Variants in PLAT observed in about 807,000 individuals in gnomAD.
The protein encoded by PLAT is tissue-type plasminogen activator.
Under a neutral mutation model 74.9 loss-of-function variants are expected in PLAT, and 48 were observed. The ratio of observed to expected loss-of-function variants is 0.64; its 90% CI spans 0.51 to 0.82. PLAT has a LOEUF of 0.82. Ranked by LOEUF, PLAT falls within the 40% of genes least tolerant of loss-of-function variation. PLAT has a pLI of 0.00. For missense variants in PLAT, 673 were observed against 736.2 expected, an observed-to-expected ratio of 0.91 and a Z score of 0.99; for synonymous variants, 307 against 294.4, an observed-to-expected ratio of 1.04 and a Z score of -0.44.
chr8:42,187,892 T>C lies in PLAT; in HGVS notation c.364+14A>G. The C allele has an allele frequency of 6.6e-7, 1 of 1,507,422 alleles. No individual in the cohort carries two copies. The highest frequency in any genetic ancestry group is 9.2e-7 in the Non-Finnish European group (1 of 1,083,084). 93.4% of individuals were successfully genotyped at this position (1,507,422 alleles called of 1,614,324 possible). ...TGGGATTTCAGCTCGTTTCACGTGC[T>C]CTCACCTACTCACCTATTTCACAGC... is the stretch of plus-strand genomic sequence containing the variant. On this transcript the variant is annotated intron_variant, in intron 5 of 13. Transcript: ENST00000220809.
chr8:42,179,780 C>G, intron 12 of PLAT, 146 bp downstream of exon 12: 1 of 780,372 alleles, frequency 1.3e-6, no homozygotes, highest in Non-Finnish European at 2.0e-6. Flanking sequence ...CAGAGACGGG[C>G]CCCCACGACA....
At chr8:42,179,863 G>T in intron 12 of PLAT, 63 bp downstream of exon 12, 1 of 1,458,576 alleles carries the variant, frequency 6.9e-7, no homozygotes, top group Non-Finnish European at 9.1e-7. Context: ...TTTTCCTCTG[G>T]TGGACCGCAG....
At chr8:42,188,135 C>T (rs778663410) in intron 4 of PLAT, 119 bp from the exon 5 acceptor site, 37 of 616,860 alleles carry the variant, frequency 6.0e-5, no homozygotes, top group Non-Finnish European at 8.1e-5. Context: ...GCGTGGAACA[C>T]GCGTATACCA....
At chr8:42,179,597 C>T (rs1044451414) in intron 12 of PLAT, among the ~76,000 whole-genome samples, 5 of 152,232 alleles carry the variant, frequency 3.3e-5, no homozygotes, top group African/African-American at 2.4e-5. Flanking sequence ...TCACACAGCT[C>T]AGCAAGTGGG....
intron 3 of PLAT, among the ~76,000 whole-genome samples, chr8:42,189,611 A>T (rs1018456452): frequency 2.0e-5 from 3 of 151,032 alleles, no homozygotes; most frequent in African/African-American, 7.3e-5. Context: ...TATTATTATT[A>T]TTTTTGAAAC....
intron 1 of PLAT, among the ~76,000 whole-genome samples, chr8:42,194,024 T>C (rs2048571791): frequency 6.8e-6 from 1 of 146,198 alleles, no homozygotes; most frequent in Non-Finnish European, 1.5e-5. Flanking sequence ...TGCCTTTTTT[T>C]CTTTTTCCTT....
In PLAT at chr8:42,175,106, A is replaced by C. The variant is rs184277482; in HGVS notation, c.*887T>G. On this transcript the variant is annotated 3_prime_UTR_variant, in exon 14 of 14. Transcript: ENST00000220809. Reference sequence around the variant, plus strand: ...TTTCCCGGTCTGGAGCACCTAGCCCATTGCCTTGTATGTTACAGGTGTTGT... The same window carrying C: ...TTTCCCGGTCTGGAGCACCTAGCCCCTTGCCTTGTATGTTACAGGTGTTGT... The C allele has an allele frequency of 2.6e-5, 4 of 152,174 alleles. No individual in the cohort carries two copies. Among genetic ancestry groups the C allele is most frequent in the Non-Finnish European group, 5.9e-5 (4 of 68,050 alleles). 9.4% of individuals were successfully genotyped at this position (152,174 alleles called of 1,614,324 possible).
At chr8:42,185,452 C>G in intron 6 of PLAT, 1 of 226,104 alleles carries the variant, frequency 4.4e-6, no homozygotes, top group South Asian at 8.5e-5. Flanking sequence ...TTAGTAGAGA[C>G]AGGGTTTCAC....
At chr8:42,194,790 G>A (rs368775773) in intron 1 of PLAT, among the ~76,000 whole-genome samples, 111 of 63,936 alleles carry the variant, frequency 1.7e-3, no homozygotes, top group African/African-American at 5.3e-3. Flanking sequence ...CAACCTCCAC[G>A]CCCACCCCCC....
chr8:42,188,098 A>C, intron 4 of PLAT, 82 bp from the exon 5 acceptor site: 1 of 745,428 alleles, frequency 1.3e-6, no homozygotes, highest in Non-Finnish European at 2.3e-6. Context: ...CCTGTCTACC[A>C]CAATCCACAC....
chr8:42,203,990 TATACACACACAC>T (rs1806235896), intron 1 of PLAT, among the ~76,000 whole-genome samples: 1 of 121,104 alleles, frequency 8.3e-6, no homozygotes, highest in African/African-American at 5.0e-5. Context: ...TATATATATA[TATACACACACAC>T]ACACACACAC....
Position 42,187,933 on chromosome 8 carries a change from C to T in PLAT, c.337G>A (p.Gly113Arg), listed in dbSNP as rs781218495. 1 of 1,612,818 alleles carries T rather than the reference C, an allele frequency of 6.2e-7. No individual in the cohort carries two copies. Among genetic ancestry groups the T allele is most frequent in the South Asian group, 1.1e-5 (1 of 91,036 alleles). The change falls in exon 5 of 14, where the codon GGA becomes AGA. Residue 113 changes from glycine to arginine, a missense_variant. Coordinates refer to ENST00000220809, the MANE Select transcript of PLAT (RefSeq NM_000930.5). ...ATTTCACAGCACTTCCCAGCAAATC[C>T]TTCGGGGCACTGGCACACGAAATCT... ...FSDFVCQCPE[G>R]FAGKCCEIDT...
At position 42,177,028 on chromosome 8, in the gene PLAT, G is replaced by A. The variant is rs8178892; in HGVS notation, c.1531-877C>T. ...TCTCACTCTGTCACCCACCCAGGCTGGAGTGCAGTGGCGCAATCTCAGCTC... is the reference window on the plus strand; with the variant it reads ...TCTCACTCTGTCACCCACCCAGGCTAGAGTGCAGTGGCGCAATCTCAGCTC... On this transcript the variant is annotated intron_variant, in intron 13 of 13. Coordinates refer to ENST00000220809, the MANE Select transcript of PLAT (RefSeq NM_000930.5). 2.9e-3 allele frequency among the ~76,000 whole-genome samples: 433 copies of A among 151,874 alleles called. 1 individual carries two copies. The highest frequency in any genetic ancestry group is 4.3e-3 in the Non-Finnish European group (289 of 67,956).
rs748027838 is a variant in PLAT at position 42,182,834 on chromosome 8, T to A, written c.688A>T (p.Thr230Ser). The A allele has an allele frequency of 6.2e-7, 1 of 1,613,706 alleles. No homozygotes were observed. The highest frequency in any genetic ancestry group is 1.3e-5 in the African/African-American group (1 of 74,918). The stretch of plus-strand genomic sequence containing the variant: ...GGGAGGCAGGAGGCACCCGACTCGG[T>A]GAGGCTGTGCGTGCCACGGTAGGCT... The part of the protein sequence containing the change: ...GSAYRGTHSL[T>S]ESGASCLPWN... Residue 230 changes from threonine to serine, a missense_variant, in exon 8 of 14, where the codon ACC becomes TCC. By Grantham distance (58) the Thr-to-Ser change is moderately conservative. Coordinates refer to ENST00000220809, the MANE Select transcript of PLAT (RefSeq NM_000930.5).
In PLAT at chr8:42,182,836, A is replaced by G; in HGVS notation, c.686T>C (p.Leu229Pro). The G allele has an allele frequency of 6.2e-7, 1 of 1,613,806 alleles. No individual in the cohort carries two copies. The highest frequency in any genetic ancestry group is 8.5e-7 in the Non-Finnish European group (1 of 1,179,692). ...GAGGCAGGAGGCACCCGACTCGGTG[A>G]GGCTGTGCGTGCCACGGTAGGCTGA... is the stretch of plus-strand genomic sequence containing the variant. ...NGSAYRGTHS[L>P]TESGASCLPW... The change falls in exon 8 of 14, where the codon CTC (leucine) becomes CCC (proline). Residue 229 changes from leucine to proline, a missense_variant. Physicochemically the swap from Leu to Pro is moderately conservative, Grantham distance 98. Coordinates refer to ENST00000220809, the MANE Select transcript of PLAT (RefSeq NM_000930.5).
chr8:42,188,789 A>AT (rs1391737407), intron 4 of PLAT, 145 bp downstream of exon 4: 6 of 687,024 alleles, frequency 8.7e-6, no homozygotes, highest in Non-Finnish European at 1.5e-5. Context: ...GGTCTGGCTA[A>AT]TTTTTTTATT....
intron 1 of PLAT, among the ~76,000 whole-genome samples, chr8:42,199,992 G>C (rs1320841049): frequency 6.6e-6 from 1 of 152,128 alleles, no homozygotes; most frequent in East Asian, 1.9e-4. Context: ...CAACACACTT[G>C]AATTAGGAAA....
At chr8:42,193,512 A>G (rs1587939565) in intron 1 of PLAT, 1 of 262,986 alleles carries the variant, frequency 3.8e-6, no homozygotes, top group Non-Finnish European at 7.5e-6. Context: ...CTTCTCCATC[A>G]CCCCTAACTG....
chr8:42,188,734 T>G (rs1467635042), intron 4 of PLAT, among the ~76,000 whole-genome samples, 200 bp downstream of exon 4: 1 of 152,160 alleles, frequency 6.6e-6, no homozygotes, highest in Non-Finnish European at 1.5e-5. Flanking sequence ...TGGGCTCAAG[T>G]GATCCTTCTG....
Sources: allele counts gnomAD v4.1 joint callset (sites outside exome capture counted in the v4.1 genomes callset), GRCh38; gene constraint gnomAD v4.1.1; transcripts MANE v1.5; gene names NCBI Gene and HGNC (gene_info 2026-07-23, HGNC 2026-07-21).